The following DENND5A variants were observed in gnomAD, a reference collection of about 807,000 sequenced individuals.
DENND5A encodes the protein DENN domain containing 5A.
A neutral mutation model predicts 140.3 loss-of-function variants in DENND5A; 64 were observed. The observed-to-expected ratio is 0.46, with a 90% CI of 0.37 to 0.56. The LOEUF (loss-of-function observed/expected upper bound fraction) is 0.56. Among genes scored for constraint, DENND5A ranks in the 20% least tolerant of loss-of-function variants. The pLI, the probability that DENND5A is intolerant of heterozygous loss-of-function variation, is 0.00. For synonymous variants in DENND5A, 605 were observed against 607.7 expected (o/e 1.00, Z 0.07); for missense variants, 1,292 against 1,593.8 (o/e 0.81, Z 3.22).
At chr11:9,174,716 A>G (rs967127364) in intron 8 of DENND5A, among the ~76,000 whole-genome samples, 2 of 151,922 alleles carry the variant, frequency 1.3e-5, no homozygotes, top group African/African-American at 4.8e-5. Context: ...AACAACAACA[A>G]AAAAAATCAA....
chr11:9,244,045 T>C (rs577745356), intron 1 of DENND5A, among the ~76,000 whole-genome samples: 1 of 152,336 alleles, frequency 6.6e-6, no homozygotes, highest in South Asian at 2.1e-4. Flanking sequence ...AGGCTGTTAG[T>C]AAAGTTTTCA....
intron 1 of DENND5A, among the ~76,000 whole-genome samples, chr11:9,247,642 TC>T (rs1851535602): frequency 6.6e-6 from 1 of 152,146 alleles, no homozygotes; most frequent in Non-Finnish European, 1.5e-5. Flanking sequence ...GGGAACAGTC[TC>T]AACACGTTCT....
chr11:9,158,817 A>C (rs1847889735), intron 12 of DENND5A, among the ~76,000 whole-genome samples: 1 of 152,160 alleles, frequency 6.6e-6, no homozygotes, highest in Non-Finnish European at 1.5e-5. Context: ...ACTCATTTGG[A>C]TTTTTTAAAA....
chr11:9,242,604 T>C (rs2136275277), intron 1 of DENND5A: 1 of 152,320 alleles, frequency 6.6e-6, no homozygotes, highest in Admixed American at 6.5e-5. Context: ...CTCTGCACTT[T>C]AGTTTCCTAA....
In DENND5A at chr11:9,203,653, G is replaced by T; in HGVS notation, c.949+7C>A. On this transcript the variant is annotated splice_region_variant and intron_variant, in intron 4 of 22. Coordinates refer to ENST00000328194, the MANE Select transcript of DENND5A (RefSeq NM_015213.4). ...CAGGCAGAAGGCTCTAGTAAGCACTGACTTACGCTGTGAGTAGAGCAGGAT... is the reference window on the plus strand; with the variant it reads ...CAGGCAGAAGGCTCTAGTAAGCACTTACTTACGCTGTGAGTAGAGCAGGAT... The T allele has an allele frequency of 1.2e-6, 2 of 1,609,286 alleles. No individual in the cohort carries two copies. Among genetic ancestry groups the T allele is most frequent in the South Asian group, 2.2e-5 (2 of 90,048 alleles).
At chr11:9,223,098 T>C (rs1290413016) in intron 1 of DENND5A, among the ~76,000 whole-genome samples, 2 of 152,184 alleles carry the variant, frequency 1.3e-5, no homozygotes, top group Non-Finnish European at 2.9e-5. Flanking sequence ...AAGTTAAAAC[T>C]GTAATAGCCG....
chr11:9,183,122 G>A (rs1848789140), intron 5 of DENND5A, among the ~76,000 whole-genome samples: 1 of 152,114 alleles, frequency 6.6e-6, no homozygotes, highest in African/African-American at 2.4e-5. Flanking sequence ...GAATGTTCTT[G>A]CAGGTATAAA....
At chr11:9,263,501 T>C (rs964066469) in intron 1 of DENND5A, among the ~76,000 whole-genome samples, 14 of 148,072 alleles carry the variant, frequency 9.5e-5, no homozygotes, top group African/African-American at 3.2e-4. Flanking sequence ...GGATTACCCC[T>C]GAGCCGCCGG....
At chr11:9,243,349 G>A (rs1851326137) in intron 1 of DENND5A, among the ~76,000 whole-genome samples, 1 of 152,110 alleles carries the variant, frequency 6.6e-6, no homozygotes, top group Non-Finnish European at 1.5e-5. Context: ...GATGTTGTGA[G>A]AAAATGGGGT....
intron 1 of DENND5A, among the ~76,000 whole-genome samples, chr11:9,256,646 C>T (rs1201508987): frequency 1.3e-5 from 2 of 152,102 alleles, no homozygotes; most frequent in East Asian, 3.8e-4. Flanking sequence ...CAAGAGACCA[C>T]ACATATTACT....
chr11:9,149,010 G>A (rs908651421), intron 15 of DENND5A, among the ~76,000 whole-genome samples: 1 of 152,220 alleles, frequency 6.6e-6, no homozygotes, highest in African/African-American at 2.4e-5. Context: ...GATGGTATAA[G>A]GTCATGGCAG....
intron 4 of DENND5A, among the ~76,000 whole-genome samples, chr11:9,196,728 A>G (rs545883262): frequency 2.8e-4 from 43 of 152,014 alleles, no homozygotes; most frequent in Non-Finnish European, 5.0e-4. Context: ...CTCGTGCCTC[A>G]GCCTCTGGAG....
At chr11:9,250,473 C>T (rs933158417) in intron 1 of DENND5A, among the ~76,000 whole-genome samples, 2 of 152,080 alleles carry the variant, frequency 1.3e-5, no homozygotes, top group South Asian at 2.1e-4. Flanking sequence ...ACAAAGAGGT[C>T]GCACTACAGC....
chr11:9,217,475 C>A (rs1245172487), intron 1 of DENND5A, among the ~76,000 whole-genome samples: 2 of 152,096 alleles, frequency 1.3e-5, no homozygotes, highest in African/African-American at 4.8e-5. Context: ...GATCTCACCA[C>A]TGCACTCCAG....
intron 1 of DENND5A, among the ~76,000 whole-genome samples, chr11:9,256,910 G>T (rs1047678972): frequency 2.0e-5 from 3 of 152,178 alleles, no homozygotes; most frequent in African/African-American, 7.2e-5. Context: ...CAATAAAATT[G>T]TTTATATATG....
Position 9,145,692 on chromosome 11 carries a change from T to C in DENND5A, c.2981A>G (p.Asn994Ser), listed in dbSNP as rs1440340458. 2 of 1,614,070 alleles carry C rather than the reference T, an allele frequency of 1.2e-6. No homozygotes were observed. Among genetic ancestry groups the C allele is most frequent in the Middle Eastern group, 1.6e-4 (1 of 6,084 alleles). Residue 994 changes from asparagine to serine, a missense_variant, in exon 17 of 23, where the codon AAT (asparagine) becomes AGT (serine). Asn to Ser is a conservative substitution (Grantham distance 46). Transcript: ENST00000328194. ...GETQIMQIPRNVLEMTFECQN... is the reference protein window; with the variant it reads ...GETQIMQIPRSVLEMTFECQN... Reference sequence around the variant, plus strand: ...TACCTCGAAGGTCATCTCTAGCACATTCCTGGGAATCTGCATGATCTGTGT... The same window carrying C: ...TACCTCGAAGGTCATCTCTAGCACACTCCTGGGAATCTGCATGATCTGTGT...
At chr11:9,232,221 GAAA>G (rs2136253638) in intron 1 of DENND5A, among the ~76,000 whole-genome samples, 1 of 152,106 alleles carries the variant, frequency 6.6e-6, no homozygotes, top group East Asian at 1.9e-4. Context: ...CATTAAGAGA[GAAA>G]AACGTATAAA....
chr11:9,147,208 G>C lies in DENND5A; in HGVS notation c.2736-57C>G, dbSNP rs1195312257. ...GACCAAAAGGAAGGGAAAGAAACTA[G>C]AATTTTCAGTTCTGGAAGGAGACAG... On this transcript the variant is annotated intron_variant, in intron 15 of 22. Transcript: ENST00000328194. 5 of 1,587,698 alleles carry C rather than the reference G, an allele frequency of 3.1e-6. No individual in the cohort carries two copies. The African/African-American group carries it at 5.4e-5, about 17-fold the overall frequency.
intron 1 of DENND5A, among the ~76,000 whole-genome samples, chr11:9,245,095 C>T (rs529009653): frequency 3.2e-4 from 48 of 151,520 alleles, no homozygotes; most frequent in South Asian, 1.5e-3. Context: ...CCATCTTGGC[C>T]AACATGCTGA....
Sources: gnomAD v4.1 joint callset for allele counts (sites outside exome capture counted in the v4.1 genomes callset) on GRCh38, gnomAD v4.1.1 for gene constraint, MANE v1.5 for transcripts, NCBI Gene and HGNC (gene_info 2026-07-23, HGNC 2026-07-21) for gene names.